Variants in SCLY observed in about 807,000 individuals in gnomAD.
SCLY encodes the protein selenocysteine lyase, also known as putative selenocysteine lyase.
SCLY carries 38 observed loss-of-function variants against 50.1 expected under a neutral mutation model. The ratio of observed to expected loss-of-function variants is 0.76; its 90% CI spans 0.59 to 0.99. The LOEUF is 0.99. SCLY is among the 50% of genes least tolerant of loss of function. The pLI, the probability that SCLY is intolerant of heterozygous loss-of-function variation, is 0.00. For missense variants in SCLY, 600 were observed against 620.0 expected (o/e 0.97, Z 0.34); for synonymous variants, 243 against 249.4 (o/e 0.97, Z 0.24).
Position 238,081,764 on chromosome 2 carries a change from C to T in SCLY, c.540C>T (p.Ile180=). The part of the protein sequence containing the change: ...KVSGQAEVDD[I]LAAVRPTTRL... ...GCGGGCAGGCAGAGGTGGACGACAT[C>T]CTCGCGGCAGTCCGCCCGACCACAC... Residue 180 remains isoleucine (I), a synonymous_variant, in exon 5 of 12, where the codon ATC becomes ATT. Coordinates refer to ENST00000254663, the MANE Select transcript of SCLY (RefSeq NM_016510.7). 1 of 1,614,204 alleles carries T rather than the reference C, an allele frequency of 6.2e-7. No individual in the cohort carries two copies. The highest frequency in any genetic ancestry group is 8.5e-7 in the Non-Finnish European group (1 of 1,180,040).
Position 238,079,660 on chromosome 2 carries a change from T to C in SCLY, c.485-2049T>C, listed in dbSNP as rs1426580693. 5 of 152,234 alleles carry C rather than the reference T, an allele frequency of 3.3e-5. No individual in the cohort carries two copies. The South Asian group carries it at 1.0e-3, about 31-fold the overall frequency. 9.4% of individuals were successfully genotyped at this position (152,234 alleles called of 1,614,324 possible). A position where few individuals can be genotyped will look rare whatever the true frequency, so the allele number is the denominator to read the frequency against. On this transcript the variant is annotated intron_variant, in intron 4 of 11. Coordinates refer to ENST00000254663, the MANE Select transcript of SCLY (RefSeq NM_016510.7). ...CAATATACAGTTACACTGCCCTTTT[T>C]TTCCTTTACTTTTTTGAGACGGAAT...
chr2:238,073,789 CAATGTG>C (rs2065147858), intron 4 of SCLY: 1 of 465,532 alleles, frequency 2.1e-6, no homozygotes, highest in Non-Finnish European at 4.4e-6. Context: ...TCAGCCTACT[CAATGTG>C]AAGATGATGA....
In SCLY at chr2:238,061,016, C is replaced by A. The variant is rs113465114; in HGVS notation, c.-39C>A. The A allele has an allele frequency of 2.2e-6, 3 of 1,345,624 alleles. No homozygotes were observed. The African/African-American group carries it at 4.6e-5, about 21-fold the overall frequency. The allele number at this position is 1,345,624 out of a possible 1,614,324, so 83.4% of individuals were successfully genotyped here. On this transcript the variant is annotated 5_prime_UTR_variant, in exon 1 of 12. Coordinates refer to ENST00000254663, the MANE Select transcript of SCLY (RefSeq NM_016510.7). The stretch of plus-strand genomic sequence containing the variant: ...GGCGCTCTGGGCCCGTAGCGCTCCG[C>A]GGGAAGGAGGCTGGATGCCCGGCAG...
At chr2:238,084,738 C>G (rs1007308848) in intron 7 of SCLY, among the ~76,000 whole-genome samples, 3 of 142,646 alleles carry the variant, frequency 2.1e-5, no homozygotes, top group Non-Finnish European at 4.6e-5. Flanking sequence ...ACTAAAAGTA[C>G]GAAAAATTAG....
intron 7 of SCLY, among the ~76,000 whole-genome samples, chr2:238,084,475 C>T (rs1483800036): frequency 6.6e-6 from 1 of 151,280 alleles, no homozygotes; most frequent in African/African-American, 2.4e-5. Context: ...CCTGTAATCC[C>T]AGCTACTTGG....
chr2:238,088,352 C>G (rs1455425258), intron 7 of SCLY, among the ~76,000 whole-genome samples: 1 of 152,106 alleles, frequency 6.6e-6, no homozygotes, highest in Non-Finnish European at 1.5e-5. Flanking sequence ...ATCCCAGCTA[C>G]TTGGAAGGCT....
chr2:238,089,616 T>G (rs1223428475), intron 7 of SCLY, among the ~76,000 whole-genome samples: 3 of 151,104 alleles, frequency 2.0e-5, no homozygotes, highest in African/African-American at 7.3e-5. Flanking sequence ...TGCATAAACT[T>G]TCTTAAAACA....
At chr2:238,070,087 G>C (rs1347129819) in intron 4 of SCLY, among the ~76,000 whole-genome samples, 2 of 152,218 alleles carry the variant, frequency 1.3e-5, no homozygotes, top group African/African-American at 4.8e-5. Context: ...TCAGGGAGGA[G>C]GAGGCTCGCT....
intron 4 of SCLY, among the ~76,000 whole-genome samples, chr2:238,076,742 T>G (rs1406177254): frequency 1.3e-5 from 2 of 148,918 alleles, no homozygotes; most frequent in Admixed American, 6.7e-5. Context: ...AAAAAAAGAG[T>G]GTATTGTTTA....
chr2:238,068,110 C>T lies in SCLY; in HGVS notation c.248C>T (p.Ala83Val), dbSNP rs139737785. Residue 83 changes from alanine to valine, a missense_variant, in exon 3 of 12, where the codon GCG becomes GTG. Coordinates refer to ENST00000254663, the MANE Select transcript of SCLY (RefSeq NM_016510.7). The part of the protein sequence containing the change: ...DIINAARESL[A>V]KMIGGKPQDI... The stretch of plus-strand genomic sequence containing the variant: ...ATAAATGCAGCTCGGGAAAGCCTCG[C>T]GAAGATGATAGGGGGGAAACCTCAA... 5.3e-5 allele frequency: 85 copies of T among 1,612,086 alleles called. No individual in the cohort carries two copies. The highest frequency in any genetic ancestry group is 6.9e-5 in the Non-Finnish European group (81 of 1,179,264).
chr2:238,067,792 G>A lies in SCLY; in HGVS notation c.203-273G>A, dbSNP rs549989039. ...AGAAGAAAGCCACATCTTGGGGGAC[G>A]TCCAGGTTCATAGCCAGACTCCCTT... On this transcript the variant is annotated intron_variant, in intron 2 of 11. Coordinates refer to ENST00000254663, the MANE Select transcript of SCLY (RefSeq NM_016510.7). The surrounding 1 kb of genome is among the most constrained non-coding windows in gnomAD (Gnocchi z 4.3). 2.0e-4 allele frequency among the ~76,000 whole-genome samples: 31 copies of A among 152,300 alleles called. No individual in the cohort carries two copies. Among genetic ancestry groups the A allele is most frequent in the African/African-American group, 7.2e-4 (30 of 41,550 alleles).
At chr2:238,071,754 C>T (rs979879673) in intron 4 of SCLY, among the ~76,000 whole-genome samples, 8 of 152,154 alleles carry the variant, frequency 5.3e-5, no homozygotes, top group African/African-American at 1.9e-4. Flanking sequence ...AAAAACCTAA[C>T]CCCCAGTTCT....
intron 1 of SCLY, chr2:238,061,352 G>A: frequency 1.4e-6 from 1 of 700,084 alleles, no homozygotes; most frequent in Non-Finnish European, 2.7e-6. Flanking sequence ...ACGGAGAGGT[G>A]ACTTTGGGGC....
chr2:238,083,246 A>G lies in SCLY; in HGVS notation c.778-2A>G. ...GAATAAATGACCAACTTTTCCTTCC[A>G]GTTTTATGGTCCCAGGATTGGCGCA... On this transcript the variant is annotated splice_acceptor_variant, in intron 6 of 11. Transcript: ENST00000254663. LOFTEE classifies it high-confidence loss of function. This position sits in a 1 kb window ranked among gnomAD's most constrained non-coding sequence, Gnocchi z 4.3. 1.2e-6 allele frequency: 2 copies of G among 1,606,504 alleles called. No homozygotes were observed. Among genetic ancestry groups the G allele is most frequent in the Non-Finnish European group, 1.7e-6 (2 of 1,173,180 alleles).
rs57089270 is a variant in SCLY at position 238,098,605 on chromosome 2, AGGACCGCCCACATGGGACCGCCCACATG to A, written c.*278_*305del. 1,762 of 311,226 alleles carry A rather than the reference AGGACCGCCCACATGGGACCGCCCACATG, an allele frequency of 5.7e-3. 52 individuals are homozygous for A. The highest frequency in any genetic ancestry group is 0.018 in the Middle Eastern group (24 of 1,348). The allele number at this position is 311,226 out of a possible 1,614,324, so 19.3% of individuals were successfully genotyped here. A position where few individuals can be genotyped will look rare whatever the true frequency, so the allele number is the denominator to read the frequency against. ...ACCGCCCACATAGGACCGCCCACAT[AGGACCGCCCACATGGGACCGCCCACATG>A]GGACCGCCCACATGGGACCGCCCAC... On this transcript the variant is annotated 3_prime_UTR_variant, in exon 12 of 12. Transcript: ENST00000254663.
rs938396730 is a variant in SCLY at position 238,081,856 on chromosome 2, T to C, written c.612+20T>C. 6.2e-7 allele frequency: 1 copy of C among 1,610,484 alleles called. No homozygotes were observed. On this transcript the variant is annotated intron_variant, in intron 5 of 11. Transcript: ENST00000254663. ...GTCATGGTGAGTCGGCCTTTGTTTC[T>C]CTTTAAGGAGAGCTCATGGGGAAGA...
In SCLY at chr2:238,061,144, G is replaced by A. The variant is rs1239941784; in HGVS notation, c.89+1G>A. The stretch of plus-strand genomic sequence containing the variant: ...GCGGGAAACACAACTCGCCGGAGAG[G>A]TGCGCGCCTTTAGGGCAGGGCTGGG... On this transcript the variant is annotated splice_donor_variant, in intron 1 of 11. Transcript: ENST00000254663. LOFTEE classifies it high-confidence loss of function. 2.0e-6 allele frequency: 3 copies of A among 1,493,158 alleles called. No individual in the cohort carries two copies. The highest frequency in any genetic ancestry group is 1.8e-4 in the Middle Eastern group (1 of 5,438). 92.5% of individuals were successfully genotyped at this position (1,493,158 alleles called of 1,614,324 possible).
rs181122287 is a variant in SCLY at position 238,093,441 on chromosome 2, C to A, written c.922-420C>A. On this transcript the variant is annotated intron_variant, in intron 8 of 11. Transcript: ENST00000254663. ...TTCTAGAGACAGAATGTCTGTCTGT[C>A]CCCTGCAAAGCCCTTGCTGGGACGC... 2.4e-3 allele frequency: 571 copies of A among 239,280 alleles called. 2 individuals carry two copies. The highest frequency in any genetic ancestry group is 0.011 in the African/African-American group (481 of 45,162). 14.8% of individuals were successfully genotyped at this position (239,280 alleles called of 1,614,324 possible).
chr2:238,093,622 T>G, intron 8 of SCLY: 1 of 536,008 alleles, frequency 1.9e-6, no homozygotes, highest in Non-Finnish European at 3.4e-6. Context: ...AGGGAGCCCT[T>G]TCAGGGCTGC....
Sources: gnomAD v4.1 joint callset for allele counts (sites outside exome capture counted in the v4.1 genomes callset) on GRCh38, gnomAD v4.1.1 for gene constraint, Gnocchi (gnomAD v3.1) non-coding constraint, MANE v1.5 for transcripts, NCBI Gene and HGNC (gene_info 2026-07-23, HGNC 2026-07-21) for gene names.